The following DLG1 variants were observed in gnomAD, a reference collection of about 807,000 sequenced individuals.
DLG1 encodes the protein discs large MAGUK scaffold protein 1.
DLG1 carries 42 observed loss-of-function variants against 123.4 expected under a neutral mutation model. The ratio of observed to expected loss-of-function variants is 0.34; its 90% CI spans 0.27 to 0.44. DLG1 has a LOEUF of 0.44. Ranked by LOEUF, DLG1 falls within the 20% of genes least tolerant of loss-of-function variation. The pLI is 1.00. For synonymous variants in DLG1, 317 were observed against 356.2 expected (o/e 0.89, Z 1.24); for missense variants, 942 against 1,082.6 (o/e 0.87, Z 1.82).
chr3:197,221,256 G>A (rs371799390), intron 4 of DLG1, among the ~76,000 whole-genome samples: 5 of 152,168 alleles, frequency 3.3e-5, no homozygotes, highest in South Asian at 2.1e-4. Flanking sequence ...GGTGGCTCAC[G>A]CCTGTAATCC....
At chr3:197,271,514 T>G (rs2151046230) in intron 4 of DLG1, among the ~76,000 whole-genome samples, 1 of 152,366 alleles carries the variant, frequency 6.6e-6, no homozygotes, top group South Asian at 2.1e-4. Context: ...CCTCAGGTTC[T>G]GCTTTTAGGA....
rs148082204 is a variant in DLG1, at chr3:197,054,919, G to A, written c.2484-3251C>T. The stretch of plus-strand genomic sequence containing the variant: ...CAACCTCCGCCTCCTGGGTTCAAGC[G>A]ATTCTCGTGCCTCAGCCTCCCAAGT... On this transcript the variant is annotated intron_variant, in intron 23 of 24. Transcript: ENST00000667157. Among the ~76,000 whole-genome samples the A allele has an allele frequency of 4.7e-3, 722 of 152,122 alleles. 4 individuals carry two copies. Among genetic ancestry groups the A allele is most frequent in the African/African-American group, 0.011 (439 of 41,512 alleles).
intron 4 of DLG1, among the ~76,000 whole-genome samples, chr3:197,218,902 C>T (rs1028015029): frequency 2.6e-5 from 4 of 152,160 alleles, no homozygotes; most frequent in East Asian, 1.9e-4. Context: ...GAAGCCGAGG[C>T]GGGCGGATCA....
chr3:197,088,355 A>G (rs1755649211), intron 15 of DLG1, among the ~76,000 whole-genome samples: 1 of 152,224 alleles, frequency 6.6e-6, no homozygotes, highest in African/African-American at 2.4e-5. Flanking sequence ...CCACAAAAGA[A>G]ATGGAAGATG....
chr3:197,080,003 A>T (rs1749845268), intron 17 of DLG1, among the ~76,000 whole-genome samples: 2 of 151,442 alleles, frequency 1.3e-5, no homozygotes, highest in South Asian at 2.1e-4. Flanking sequence ...GTTTAGTATT[A>T]AAAAAAACCC....
chr3:197,177,198 T>C (rs1807583872), intron 5 of DLG1, among the ~76,000 whole-genome samples: 1 of 152,098 alleles, frequency 6.6e-6, no homozygotes, highest in African/African-American at 2.4e-5. Context: ...GCCTTTTGAG[T>C]AGAAAATTAA....
At chr3:197,066,831 T>C (rs1352055593) in intron 19 of DLG1, 77 bp from the exon 20 acceptor site, 2 of 961,454 alleles carry the variant, frequency 2.1e-6, no homozygotes, top group East Asian at 2.5e-5. Flanking sequence ...AAACAACATA[T>C]ACATTACTAG....
intron 5 of DLG1, among the ~76,000 whole-genome samples, chr3:197,191,875 C>A (rs1018334519): frequency 1.3e-5 from 2 of 152,048 alleles, no homozygotes; most frequent in Non-Finnish European, 1.5e-5. Flanking sequence ...TGAGAAAATA[C>A]AATCCAAAAG....
chr3:197,074,458 T>A (rs192044771), intron 18 of DLG1, among the ~76,000 whole-genome samples: 89 of 152,172 alleles, frequency 5.8e-4, no homozygotes, highest in African/African-American at 2.1e-3. Context: ...AATTCTTCAT[T>A]TAGTTTCTTT....
intron 4 of DLG1, among the ~76,000 whole-genome samples, chr3:197,257,801 T>C (rs115814859): frequency 1.1e-3 from 170 of 152,292 alleles, no homozygotes; most frequent in African/African-American, 3.2e-3. Flanking sequence ...ATATACCATA[T>C]ATAACAATAA....
intron 4 of DLG1, among the ~76,000 whole-genome samples, chr3:197,234,139 T>A (rs1311294347): frequency 6.6e-6 from 1 of 152,278 alleles, no homozygotes; most frequent in Admixed American, 6.5e-5. Flanking sequence ...AGAGATAAGG[T>A]TTTGAACAGT....
In DLG1 at chr3:197,296,364, G is replaced by C. The variant is rs753180157; in HGVS notation, c.133C>G (p.Leu45Val). 4 of 1,613,464 alleles carry C rather than the reference G, an allele frequency of 2.5e-6. No individual in the cohort carries two copies. The Admixed American group carries it at 6.7e-5, about 27-fold the overall frequency. The stretch of plus-strand genomic sequence containing the variant: ...TTCCCACCTATTAAAGCCTGAAAGA[G>C]GTTGCTCTGAAATATGTTAATAACC... ...ERVINIFQSNLFQALIDIQEF... is the reference protein window; with the variant it reads ...ERVINIFQSNVFQALIDIQEF... Residue 45 changes from leucine (L) to valine (V), a missense_variant, in exon 3 of 25, where the codon CTC becomes GTC. Physicochemically the swap from Leu to Val is conservative, Grantham distance 32. Coordinates refer to ENST00000667157, the MANE Select transcript of DLG1 (RefSeq NM_001366207.1).
chr3:197,113,547 G>A (rs914029622), intron 13 of DLG1, among the ~76,000 whole-genome samples: 48 of 151,982 alleles, frequency 3.2e-4, no homozygotes, highest in African/African-American at 1.1e-3. Context: ...ATTCTATTTT[G>A]TCTCATATTA....
At chr3:197,254,878 C>G (rs1756090020) in intron 4 of DLG1, among the ~76,000 whole-genome samples, 1 of 151,738 alleles carries the variant, frequency 6.6e-6, no homozygotes, top group Admixed American at 6.6e-5. Flanking sequence ...TGAAACCCCA[C>G]GTTTACTAAA....
intron 1 of DLG1, 162 bp from the exon 2 acceptor site, chr3:197,297,397 G>C (rs1419544538): frequency 3.5e-6 from 5 of 1,433,440 alleles, no homozygotes; most frequent in Non-Finnish European, 3.6e-6. Flanking sequence ...GTCTGTCAAC[G>C]TGGAAAGCTT....
Position 197,081,085 on chromosome 3 carries a change from G to A in DLG1, c.1871C>T (p.Thr624Ile). ...VEKKERARLK[T>I]VKFNSKTRDK... ...TCTCGTTTTAGAATTGAATTTCACT[G>A]TTTTTAATCGGGCTCGTTCTTTCTT... The change falls in exon 17 of 25, where the codon ACA (threonine) becomes ATA (isoleucine). Residue 624 changes from threonine (T) to isoleucine (I), a missense_variant. Thr to Ile is a moderately conservative substitution (Grantham distance 89). Transcript: ENST00000667157. 2 of 1,613,062 alleles carry A rather than the reference G, an allele frequency of 1.2e-6. No homozygotes were observed.
chr3:197,189,246 A>G (rs1356902655), intron 5 of DLG1, among the ~76,000 whole-genome samples: 1 of 152,240 alleles, frequency 6.6e-6, no homozygotes, highest in Non-Finnish European at 1.5e-5. Flanking sequence ...TAGAGATAAC[A>G]GATATCTGAG....
At chr3:197,086,336 G>A (rs550997143) in intron 15 of DLG1, among the ~76,000 whole-genome samples, 3 of 151,982 alleles carry the variant, frequency 2.0e-5, no homozygotes, top group Non-Finnish European at 2.9e-5. Flanking sequence ...AATTTAATAC[G>A]GTAATTGCAA....
intron 4 of DLG1, among the ~76,000 whole-genome samples, chr3:197,251,560 A>G (rs1369535845): frequency 6.6e-6 from 1 of 152,208 alleles, no homozygotes; most frequent in Non-Finnish European, 1.5e-5. Flanking sequence ...TTAATAAATG[A>G]TGCTGGGAAC....
Sources: gnomAD v4.1 joint callset for allele counts (sites outside exome capture counted in the v4.1 genomes callset) on GRCh38, gnomAD v4.1.1 for gene constraint, MANE v1.5 for transcripts, NCBI Gene and HGNC (gene_info 2026-07-23, HGNC 2026-07-21) for gene names.